The following ADGRL2 variants were observed in gnomAD, a reference collection of about 807,000 sequenced individuals.
The protein encoded by ADGRL2 is calcium-independent alpha-latrotoxin receptor 2.
ADGRL2 carries 44 observed loss-of-function variants against 157.4 expected under a neutral mutation model. The ratio of observed to expected loss-of-function variants is 0.28; its 90% CI spans 0.22 to 0.36. ADGRL2 has a LOEUF of 0.36. ADGRL2 is among the 10% of genes least tolerant of loss of function. The pLI is 1.00. For synonymous variants in ADGRL2, 585 were observed against 624.7 expected, an observed-to-expected ratio of 0.94 and a Z score of 0.95; for missense variants, 1,510 against 1,768.9, an observed-to-expected ratio of 0.85 and a Z score of 2.63.
chr1:81,535,252 G>A (rs2079706010), intron 2 of ADGRL2, among the ~76,000 whole-genome samples: 1 of 152,226 alleles, frequency 6.6e-6, no homozygotes, highest in Non-Finnish European at 1.5e-5. Context: ...AACAAAGGAA[G>A]ATGTGAGAGT....
At chr1:81,893,009 TTC>T (rs2094302506) in intron 2 of ADGRL2, among the ~76,000 whole-genome samples, 1 of 152,136 alleles carries the variant, frequency 6.6e-6, no homozygotes, top group African/African-American at 2.4e-5. Context: ...GTAAAGAAAC[TTC>T]TTCAAGTTTT....
chr1:81,747,743 CAGAG>C (rs1291010238), intron 1 of ADGRL2, among the ~76,000 whole-genome samples: 1 of 139,430 alleles, frequency 7.2e-6, no homozygotes, highest in Non-Finnish European at 1.6e-5. Flanking sequence ...GTGTAAGAGA[CAGAG>C]AGAGAGAAGG....
chr1:81,977,283 T>TGTGTA (rs1660432824), intron 17 of ADGRL2, among the ~76,000 whole-genome samples: 1 of 151,846 alleles, frequency 6.6e-6, no homozygotes, highest in Admixed American at 6.6e-5. Context: ...ACTAGAAAGA[T>TGTGTA]ACATTAAACA....
intron 1 of ADGRL2, among the ~76,000 whole-genome samples, chr1:81,438,066 C>T (rs191981230): frequency 6.0e-5 from 9 of 149,644 alleles, no homozygotes; most frequent in Non-Finnish European, 1.0e-4. Flanking sequence ...TGTATCCATT[C>T]CTTCTCACCG....
chr1:81,638,612 T>G (rs1239518609), intron 3 of ADGRL2, among the ~76,000 whole-genome samples: 1 of 152,132 alleles, frequency 6.6e-6, no homozygotes, highest in Admixed American at 6.5e-5. Flanking sequence ...AAAGTGGACT[T>G]GGATTAGTTG....
At chr1:81,381,161 T>C (rs2076337723) in intron 1 of ADGRL2, among the ~76,000 whole-genome samples, 1 of 152,154 alleles carries the variant, frequency 6.6e-6, no homozygotes, top group South Asian at 2.1e-4. Context: ...CTTTTAATTG[T>C]ATTTCTAGCT....
chr1:81,762,952 T>C (rs2149313269), intron 2 of ADGRL2, among the ~76,000 whole-genome samples: 1 of 147,124 alleles, frequency 6.8e-6, no homozygotes. Flanking sequence ...CTCAGGAGGC[T>C]GAGGCAGGAG....
chr1:81,740,449 ATTTT>A (rs553767483), intron 1 of ADGRL2, among the ~76,000 whole-genome samples: 1 of 152,050 alleles, frequency 6.6e-6, no homozygotes, highest in East Asian at 1.9e-4. Context: ...GCTTAAAACC[ATTTT>A]TTTACTTTTT....
chr1:81,786,474 G>T (rs1008301957), intron 2 of ADGRL2, among the ~76,000 whole-genome samples: 1 of 152,138 alleles, frequency 6.6e-6, no homozygotes, highest in African/African-American at 2.4e-5. Context: ...TAGTCATGAG[G>T]CTGAGGCATG....
chr1:81,358,450 T>C (rs1031189172), intron 1 of ADGRL2, among the ~76,000 whole-genome samples: 10 of 152,150 alleles, frequency 6.6e-5, no homozygotes, highest in African/African-American at 9.6e-5. Flanking sequence ...TCCTAGATTT[T>C]TGCTGTATTA....
At chr1:81,729,341 A>G (rs2084645138) in intron 1 of ADGRL2, among the ~76,000 whole-genome samples, 1 of 152,234 alleles carries the variant, frequency 6.6e-6, no homozygotes, top group Non-Finnish European at 1.5e-5. Context: ...TCTACTAAGT[A>G]TGGGTTCTTA....
At chr1:81,744,863 A>T (rs1187789858) in intron 1 of ADGRL2, among the ~76,000 whole-genome samples, 1 of 152,188 alleles carries the variant, frequency 6.6e-6, no homozygotes, top group Non-Finnish European at 1.5e-5. Context: ...ATTATGTTTG[A>T]AGAATATGTT....
chr1:81,399,473 T>C (rs956640768), intron 1 of ADGRL2, among the ~76,000 whole-genome samples: 3 of 152,042 alleles, frequency 2.0e-5, no homozygotes, highest in Non-Finnish European at 4.4e-5. Flanking sequence ...TTCACTACTA[T>C]TCTTTCTTAT....
rs186592693 is a variant in ADGRL2, at chr1:81,924,151, G to A, written c.288-12577G>A. Among the ~76,000 whole-genome samples the A allele has an allele frequency of 6.6e-5, 10 of 152,206 alleles. No homozygotes were observed. The East Asian group carries it at 1.9e-3, about 29-fold the overall frequency. On this transcript the variant is annotated intron_variant, in intron 3 of 23. Transcript: ENST00000686636. ...TGTGGCTGATTCTTCCCGCATATGT[G>A]TGTGCCTCCCTCAAGTATATAACAG...
At chr1:81,606,372 A>G (rs987258594) in intron 3 of ADGRL2, among the ~76,000 whole-genome samples, 3 of 152,142 alleles carry the variant, frequency 2.0e-5, no homozygotes, top group African/African-American at 7.2e-5. Context: ...TTGCTTCAGT[A>G]TTTCTTTGTA....
chr1:81,808,905 A>G (rs2089503613), intron 1 of ADGRL2, among the ~76,000 whole-genome samples: 1 of 152,076 alleles, frequency 6.6e-6, no homozygotes, highest in Non-Finnish European at 1.5e-5. Context: ...TTTTTAGGTC[A>G]TGAAGTCAAC....
At chr1:81,660,179 G>A (rs1354795086) in intron 3 of ADGRL2, among the ~76,000 whole-genome samples, 1 of 152,182 alleles carries the variant, frequency 6.6e-6, no homozygotes. Flanking sequence ...AATAGACCCA[G>A]AGGTCTAAGG....
intron 1 of ADGRL2, among the ~76,000 whole-genome samples, chr1:81,808,688 C>T (rs1227273195): frequency 1.3e-5 from 2 of 151,986 alleles, no homozygotes; most frequent in Non-Finnish European, 2.9e-5. Flanking sequence ...TTATTATCAG[C>T]GACCAAAATA....
chr1:81,629,582 A>G (rs943851862), intron 3 of ADGRL2, among the ~76,000 whole-genome samples: 9 of 152,082 alleles, frequency 5.9e-5, no homozygotes, highest in African/African-American at 1.9e-4. Context: ...CATATGCACT[A>G]CTGTTTCCTT....
Sources: allele counts gnomAD v4.1 joint callset (sites outside exome capture counted in the v4.1 genomes callset), GRCh38; gene constraint gnomAD v4.1.1; transcripts MANE v1.5; gene names NCBI Gene and HGNC (gene_info 2026-07-23, HGNC 2026-07-21).